GSE1: variants seen among roughly 807,000 people sequenced by gnomAD.
The protein encoded by GSE1 is genetic suppressor element 1.
GSE1 carries 32 observed loss-of-function variants against 112.6 expected under a neutral mutation model. The ratio of observed to expected loss-of-function variants is 0.28; its 90% confidence interval spans 0.21 to 0.38. The LOEUF is 0.38. Among genes scored for constraint, GSE1 ranks in the 10% least tolerant of loss-of-function variants. The pLI, the probability that GSE1 is intolerant of heterozygous loss-of-function variation, is 1.00. For synonymous variants in GSE1, 1,115 were observed against 735.6 expected (o/e 1.52, Z -8.35); for missense variants, 2,348 against 1,699.2 (o/e 1.38, Z -6.71).
At chr16:85,217,290 G>A (rs986248348) in intron 1 of GSE1, among the ~76,000 whole-genome samples, 3 of 152,242 alleles carry the variant, frequency 2.0e-5, no homozygotes, top group African/African-American at 4.8e-5. Flanking sequence ...GGCCCTGGAC[G>A]GGATGTGCCT....
At chr16:85,376,398 G>A (rs867168017) in intron 2 of GSE1, among the ~76,000 whole-genome samples, 4 of 152,212 alleles carry the variant, frequency 2.6e-5, no homozygotes, top group Admixed American at 6.5e-5. Context: ...TTCTGCTCCC[G>A]GCCCATTAGG....
chr16:85,670,939 G>C, intron 14 of GSE1, 56 bp from the exon 15 acceptor site: 3 of 1,075,790 alleles, frequency 2.8e-6, no homozygotes, highest in Non-Finnish European at 4.3e-6. Flanking sequence ...AGAGCACAAA[G>C]CGGGCCTTCG....
chr16:85,246,025 TGGG>T (rs1194731767), intron 1 of GSE1, among the ~76,000 whole-genome samples: 1 of 150,874 alleles, frequency 6.6e-6, no homozygotes, highest in Non-Finnish European at 1.5e-5. Context: ...GTGTGTGTGT[TGGG>T]GGTTGTCTGC....
chr16:85,518,791 G>T (rs753625565), intron 2 of GSE1, among the ~76,000 whole-genome samples: 1 of 152,074 alleles, frequency 6.6e-6, no homozygotes, highest in Non-Finnish European at 1.5e-5. Context: ...GTATAAAAAG[G>T]ACCTATCCTT....
chr16:85,508,664 C>G (rs2051626223), intron 2 of GSE1, among the ~76,000 whole-genome samples: 1 of 152,230 alleles, frequency 6.6e-6, no homozygotes, highest in Non-Finnish European at 1.5e-5. Context: ...AATAGTTACC[C>G]AGATACAGCC....
intron 1 of GSE1, among the ~76,000 whole-genome samples, chr16:85,281,565 T>A (rs1238854283): frequency 1.3e-5 from 2 of 152,170 alleles, no homozygotes; most frequent in Non-Finnish European, 2.9e-5. Flanking sequence ...GAGGCCCCAG[T>A]GACTTTCAAG....
chr16:85,534,106 C>T (rs1439814059), intron 2 of GSE1, among the ~76,000 whole-genome samples: 5 of 146,204 alleles, frequency 3.4e-5, no homozygotes, highest in Non-Finnish European at 1.5e-5. Context: ...TCCCTTTAGG[C>T]TAGTTTTTAA....
At chr16:85,635,093 G>A (rs1249040710) in intron 2 of GSE1, among the ~76,000 whole-genome samples, 3 of 152,166 alleles carry the variant, frequency 2.0e-5, no homozygotes, top group Admixed American at 1.3e-4. Flanking sequence ...TACATTACCC[G>A]GGTTCCAGCT....
At chr16:85,507,506 G>T (rs1041845968) in intron 2 of GSE1, among the ~76,000 whole-genome samples, 3 of 152,240 alleles carry the variant, frequency 2.0e-5, no homozygotes, top group African/African-American at 7.2e-5. Context: ...ATGGCAAAAT[G>T]CCACACTCTG....
At chr16:85,638,102 A>C (rs888312640) in intron 2 of GSE1, among the ~76,000 whole-genome samples, 1 of 152,026 alleles carries the variant, frequency 6.6e-6, no homozygotes, top group Non-Finnish European at 1.5e-5. Flanking sequence ...CCTCCTCTCC[A>C]GTGCACGCCT....
At chr16:85,376,269 C>T (rs963304554) in intron 2 of GSE1, among the ~76,000 whole-genome samples, 1 of 152,248 alleles carries the variant, frequency 6.6e-6, no homozygotes, top group African/African-American at 2.4e-5. Flanking sequence ...CTGAGTTTCT[C>T]TCTCCGGGAA....
At chr16:85,430,522 C>T (rs932327397) in intron 2 of GSE1, among the ~76,000 whole-genome samples, 2 of 152,250 alleles carry the variant, frequency 1.3e-5, no homozygotes, top group East Asian at 3.9e-4. Context: ...CCTTGGAAAA[C>T]TTGCCCTGCA....
chr16:85,340,116 A>G (rs2046592798), intron 1 of GSE1, among the ~76,000 whole-genome samples: 1 of 152,208 alleles, frequency 6.6e-6, no homozygotes, highest in South Asian at 2.1e-4. Flanking sequence ...ATCGTTTAAG[A>G]ATCATCATGC....
At chr16:85,654,200 G>C in intron 3 of GSE1, 78 bp from the exon 4 acceptor site, 1 of 1,354,748 alleles carries the variant, frequency 7.4e-7, no homozygotes, top group Non-Finnish European at 1.0e-6. Flanking sequence ...CTTCCCGTGA[G>C]TCAGGAGACC....
At chr16:85,192,606 C>G (rs2074846565) in intron 1 of GSE1, among the ~76,000 whole-genome samples, 1 of 152,198 alleles carries the variant, frequency 6.6e-6, no homozygotes, top group Admixed American at 6.5e-5. Context: ...GCCTGTCCCC[C>G]TCACCCTTTT....
At chr16:85,430,129 T>G (rs1281907862) in intron 2 of GSE1, among the ~76,000 whole-genome samples, 3 of 152,248 alleles carry the variant, frequency 2.0e-5, no homozygotes, top group Non-Finnish European at 4.4e-5. Flanking sequence ...TAGCACTTTT[T>G]GAGCACTTAC....
intron 1 of GSE1, among the ~76,000 whole-genome samples, chr16:85,308,805 A>T (rs2045749833): frequency 6.6e-6 from 1 of 150,844 alleles, no homozygotes; most frequent in Non-Finnish European, 1.5e-5. Context: ...GACCAGGTCA[A>T]GTTCAGCCTT....
intron 2 of GSE1, among the ~76,000 whole-genome samples, chr16:85,388,292 G>GTGGGTGGA (rs796067990): frequency 4.0e-4 from 19 of 47,628 alleles, no homozygotes; most frequent in African/African-American, 1.7e-3. Flanking sequence ...GGATGGGTGG[G>GTGGGTGGA]TGGATGGATG....
At chr16:85,210,318 A>C (rs568301788) in intron 1 of GSE1, among the ~76,000 whole-genome samples, 2 of 152,300 alleles carry the variant, frequency 1.3e-5, no homozygotes, top group Admixed American at 6.5e-5. Flanking sequence ...CCAAATGTCC[A>C]CAGTAAGGTG....
Sources: allele counts gnomAD v4.1 joint callset (sites outside exome capture counted in the v4.1 genomes callset), GRCh38; gene constraint gnomAD v4.1.1; transcripts MANE v1.5; gene names NCBI Gene and HGNC (gene_info 2026-07-23, HGNC 2026-07-21).